The following SPTBN1 variants were observed in gnomAD, a reference collection of about 807,000 sequenced individuals.
SPTBN1 encodes the protein spectrin beta chain, non-erythrocytic 1.
SPTBN1 carries 32 observed loss-of-function variants against 266.4 expected under a neutral mutation model. That is an observed-to-expected ratio of 0.12 (90% CI 0.09 to 0.16). SPTBN1 has a LOEUF of 0.16. Among genes scored for constraint, SPTBN1 ranks in the 10% least tolerant of loss-of-function variants. The pLI, the probability that SPTBN1 is intolerant of heterozygous loss-of-function variation, is 1.00. For missense variants in SPTBN1, 2,296 were observed against 3,067.1 expected (o/e 0.75, Z 5.94); for synonymous variants, 1,336 against 1,162.2 (o/e 1.15, Z -3.04).
At chr2:54,616,125 A>G in intron 4 of SPTBN1, 82 bp from the exon 5 acceptor site, 2 of 1,113,354 alleles carry the variant, frequency 1.8e-6, no homozygotes, top group Non-Finnish European at 2.6e-6. Context: ...TTTATTCTTT[A>G]TGTATATGCA....
At chr2:54,463,461 TGGAGGGGCCCTG>T (rs1693470585) in intron 1 of SPTBN1, among the ~76,000 whole-genome samples, 1 of 152,194 alleles carries the variant, frequency 6.6e-6, no homozygotes, top group African/African-American at 2.4e-5. Context: ...AGGCTTTGGA[TGGAGGGGCCCTG>T]GGCCCCAGGC....
At chr2:54,598,212 C>G (rs1165885248) in intron 2 of SPTBN1, among the ~76,000 whole-genome samples, 1 of 152,152 alleles carries the variant, frequency 6.6e-6, no homozygotes, top group African/African-American at 2.4e-5. Flanking sequence ...TTTGAAAAAC[C>G]TTTAACACTG....
intron 26 of SPTBN1, 43 bp downstream of exon 26, chr2:54,650,032 T>G (rs1379653674): frequency 6.4e-7 from 1 of 1,557,780 alleles, no homozygotes; most frequent in Non-Finnish European, 8.6e-7. Flanking sequence ...AGGCTTTTTC[T>G]CCATAGAACA....
intron 1 of SPTBN1, among the ~76,000 whole-genome samples, chr2:54,494,405 G>A (rs1014710673): frequency 6.6e-6 from 1 of 152,096 alleles, no homozygotes; most frequent in Non-Finnish European, 1.5e-5. Flanking sequence ...ACCTAGGAAT[G>A]AAATGAAAAC....
chr2:54,590,149 A>G (rs1182810439), intron 2 of SPTBN1, among the ~76,000 whole-genome samples: 2 of 152,226 alleles, frequency 1.3e-5, no homozygotes, highest in Non-Finnish European at 2.9e-5. Context: ...TTTGTCAAAC[A>G]TTTTAGTTTG....
At chr2:54,620,374 G>A (rs1245259463) in intron 7 of SPTBN1, among the ~76,000 whole-genome samples, 1 of 152,200 alleles carries the variant, frequency 6.6e-6, no homozygotes, top group Non-Finnish European at 1.5e-5. Flanking sequence ...GGACCTTGAT[G>A]GATAGTAAGA....
chr2:54,499,439 G>A (rs1289687309), intron 1 of SPTBN1, among the ~76,000 whole-genome samples: 1 of 152,194 alleles, frequency 6.6e-6, no homozygotes, highest in East Asian at 1.9e-4. Flanking sequence ...AACCATAACT[G>A]ATTTGACAAG....
At chr2:54,655,785 A>AG (rs960866343) in intron 28 of SPTBN1, 129 bp from the exon 29 acceptor site, 15 of 633,156 alleles carry the variant, frequency 2.4e-5, no homozygotes, top group African/African-American at 1.8e-4. Context: ...CAGACTGAGC[A>AG]GTCCTTAGAT....
chr2:54,578,262 T>C (rs1000958390), intron 2 of SPTBN1, among the ~76,000 whole-genome samples: 1 of 152,250 alleles, frequency 6.6e-6, no homozygotes, highest in Non-Finnish European at 1.5e-5. Flanking sequence ...TCAAAGGTGA[T>C]GGCATTACCC....
At chr2:54,655,269 T>C in intron 28 of SPTBN1, 61 bp downstream of exon 28, 1 of 1,592,208 alleles carries the variant, frequency 6.3e-7, no homozygotes, top group African/African-American at 1.3e-5. Context: ...GACTTTGTTT[T>C]ATATGTTTGT....
intron 17 of SPTBN1, among the ~76,000 whole-genome samples, chr2:54,635,023 G>A (rs915403331): frequency 2.6e-5 from 4 of 152,212 alleles, no homozygotes; most frequent in African/African-American, 9.6e-5. Context: ...CCGGAAAACA[G>A]GCTCAGAAGT....
In SPTBN1 at chr2:54,645,561, G is replaced by A. The variant is rs1048300936; in HGVS notation, c.4494+108G>A. The A allele has an allele frequency of 2.5e-6, 3 of 1,196,074 alleles. No homozygotes were observed. The highest frequency in any genetic ancestry group is 3.5e-6 in the Non-Finnish European group (3 of 851,168). 74.1% of individuals were successfully genotyped at this position (1,196,074 alleles called of 1,614,324 possible). On this transcript the variant is annotated intron_variant, in intron 21 of 35. Coordinates refer to ENST00000356805, the MANE Select transcript of SPTBN1 (RefSeq NM_003128.3). The surrounding 1 kb of genome is among the most constrained non-coding windows in gnomAD (Gnocchi z 4.3). ...TCCTCACCTTGGGCCACGTTGGCAA[G>A]CTGAGCTGCCAAAGTCCACGCTCTG...
intron 2 of SPTBN1, 186 bp downstream of exon 2, chr2:54,526,752 C>T (rs1270140218): frequency 1.8e-6 from 1 of 570,354 alleles, no homozygotes; most frequent in Admixed American, 3.7e-5. Flanking sequence ...GAGCTGTCAA[C>T]TCTAATGGCC....
At chr2:54,513,106 C>T (rs2104231547) in intron 1 of SPTBN1, among the ~76,000 whole-genome samples, 1 of 152,232 alleles carries the variant, frequency 6.6e-6, no homozygotes, top group East Asian at 1.9e-4. Context: ...GCCCTGGAGG[C>T]AGAGGTTGCA....
chr2:54,488,735 A>G (rs749888738), intron 1 of SPTBN1, among the ~76,000 whole-genome samples: 3 of 152,162 alleles, frequency 2.0e-5, no homozygotes, highest in Non-Finnish European at 2.9e-5. Context: ...TCCAGATGGT[A>G]CATTTTGTGT....
intron 1 of SPTBN1, 127 bp from the exon 2 acceptor site, chr2:54,526,245 C>A: frequency 2.9e-6 from 2 of 699,942 alleles, no homozygotes; most frequent in Non-Finnish European, 4.5e-6. Flanking sequence ...CTAAAACCAG[C>A]ATTGCTCCAG....
rs1681518407 is a variant in SPTBN1 at position 54,668,402 on chromosome 2, A to G, written c.6928A>G (p.Lys2310Glu). Residue 2310 changes from lysine to glutamate, a missense_variant, in exon 36 of 36, where the codon AAA (lysine) becomes GAA (glutamate). Physicochemically the swap from Lys to Glu is moderately conservative, Grantham distance 56. Transcript: ENST00000356805. ...TATCTCTTCCGCCATCTCCTCTGAT[A>G]AACACGAGGTGTCTGCCAGCACCCA... is the stretch of plus-strand genomic sequence containing the variant. ...QAISSAISSD[K>E]HEVSASTQST... The G allele has an allele frequency of 6.2e-7, 1 of 1,614,056 alleles. No homozygotes were observed. The highest frequency in any genetic ancestry group is 1.3e-5 in the African/African-American group (1 of 74,908).
intron 2 of SPTBN1, among the ~76,000 whole-genome samples, chr2:54,567,004 A>C (rs1333653262): frequency 6.6e-6 from 1 of 152,230 alleles, no homozygotes; most frequent in African/African-American, 2.4e-5. Flanking sequence ...TTGGTATTCT[A>C]CTTACTTATT....
At chr2:54,555,065 G>A (rs1429277287) in intron 2 of SPTBN1, among the ~76,000 whole-genome samples, 1 of 152,100 alleles carries the variant, frequency 6.6e-6, no homozygotes, top group Non-Finnish European at 1.5e-5. Flanking sequence ...CAACACTTAA[G>A]ACCATCTACC....
Sources: gnomAD v4.1 joint callset for allele counts (sites outside exome capture counted in the v4.1 genomes callset) on GRCh38, gnomAD v4.1.1 for gene constraint, Gnocchi (gnomAD v3.1) non-coding constraint, MANE v1.5 for transcripts, NCBI Gene and HGNC (gene_info 2026-07-23, HGNC 2026-07-21) for gene names.